The following NCAPD3 variants were observed in gnomAD, a reference collection of about 807,000 sequenced individuals.
NCAPD3 encodes the protein non-SMC condensin II complex subunit D3, also known as condensin-2 complex subunit D3.
A neutral mutation model predicts 182.9 loss-of-function variants in NCAPD3; 105 were observed. That is an observed-to-expected ratio of 0.57 (90% CI 0.49 to 0.68). The LOEUF (loss-of-function observed/expected upper bound fraction) is 0.68. Ranked by LOEUF, NCAPD3 falls within the 30% of genes least tolerant of loss-of-function variation. The pLI, the probability that NCAPD3 is intolerant of heterozygous loss-of-function variation, is 0.00. For missense variants in NCAPD3, 1,944 were observed against 1,837.0 expected, an observed-to-expected ratio of 1.06 and a Z score of -1.07; for synonymous variants, 815 against 679.9, an observed-to-expected ratio of 1.20 and a Z score of -3.09.
intron 16 of NCAPD3, among the ~76,000 whole-genome samples, chr11:134,187,276 A>G (rs1292613141): frequency 6.6e-6 from 1 of 152,194 alleles, no homozygotes; most frequent in Non-Finnish European, 1.5e-5. Context: ...ATCTCTTTTC[A>G]TCTCCTGTAA....
chr11:134,187,549 A>C (rs571634231), intron 16 of NCAPD3, among the ~76,000 whole-genome samples: 2 of 152,332 alleles, frequency 1.3e-5, no homozygotes, highest in South Asian at 4.1e-4. Context: ...CTGGCCTCTG[A>C]GCTTTTGCAT....
At chr11:134,176,544 G>GT (rs1471326375) in intron 23 of NCAPD3, among the ~76,000 whole-genome samples, 158 bp from the exon 24 acceptor site, 2 of 152,252 alleles carry the variant, frequency 1.3e-5, no homozygotes, top group African/African-American at 4.8e-5. Flanking sequence ...GCCGAGAAGT[G>GT]TATGTGCAGA....
intron 13 of NCAPD3, among the ~76,000 whole-genome samples, chr11:134,194,939 T>C (rs531669758): frequency 5.0e-4 from 76 of 152,358 alleles, no homozygotes; most frequent in African/African-American, 1.7e-3. Context: ...TTTGGAATAT[T>C]AAAAATTTGG....
intron 20 of NCAPD3, among the ~76,000 whole-genome samples, chr11:134,179,316 T>C (rs911765051): frequency 6.6e-6 from 1 of 152,238 alleles, no homozygotes; most frequent in African/African-American, 2.4e-5. Flanking sequence ...TCAAAGTATT[T>C]CTATAGTCAC....
intron 19 of NCAPD3, among the ~76,000 whole-genome samples, chr11:134,181,466 C>A (rs1221942176): frequency 1.3e-5 from 2 of 152,168 alleles, no homozygotes; most frequent in African/African-American, 4.8e-5. Flanking sequence ...TTTACAATGA[C>A]CCCATGTAGT....
intron 13 of NCAPD3, among the ~76,000 whole-genome samples, chr11:134,199,029 G>A (rs1411920482): frequency 6.6e-6 from 1 of 152,018 alleles, no homozygotes; most frequent in East Asian, 1.9e-4. Context: ...CTGATGTACA[G>A]ATCAATCCCT....
chr11:134,162,764 C>A (rs1943624074), intron 27 of NCAPD3, among the ~76,000 whole-genome samples: 1 of 152,210 alleles, frequency 6.6e-6, no homozygotes, highest in Non-Finnish European at 1.5e-5. Flanking sequence ...TTATCAAGCA[C>A]CTTCTCTGTC....
At chr11:134,200,066 C>T (rs1317852983) in intron 13 of NCAPD3, among the ~76,000 whole-genome samples, 1 of 151,858 alleles carries the variant, frequency 6.6e-6, no homozygotes, top group Non-Finnish European at 1.5e-5. Flanking sequence ...GAAGGTGGAC[C>T]CCCTATATCA....
rs764194855 is a variant in NCAPD3 at position 134,167,956 on chromosome 11, C to T, written c.3573+40G>A. 7 of 1,590,606 alleles carry T rather than the reference C, an allele frequency of 4.4e-6. No homozygotes were observed. The Admixed American group carries it at 8.4e-5, about 19-fold the overall frequency. On this transcript the variant is annotated intron_variant, in intron 27 of 34. Coordinates refer to ENST00000534548, the MANE Select transcript of NCAPD3 (RefSeq NM_015261.3). Reference sequence around the variant, plus strand: ...GATGAGCTTAGGGGAGCAGCACACTCACTTGTGAGAAGATGATCTTAGGGG... The same window carrying T: ...GATGAGCTTAGGGGAGCAGCACACTTACTTGTGAGAAGATGATCTTAGGGG...
intron 16 of NCAPD3, among the ~76,000 whole-genome samples, chr11:134,187,684 A>G (rs988246487): frequency 6.6e-6 from 1 of 152,228 alleles, no homozygotes; most frequent in African/African-American, 2.4e-5. Flanking sequence ...GAAAGAGGAC[A>G]AAGAGGAAGA....
intron 30 of NCAPD3, 68 bp downstream of exon 30, chr11:134,158,261 G>A: frequency 1.3e-6 from 2 of 1,586,438 alleles, no homozygotes; most frequent in Non-Finnish European, 1.7e-6. Context: ...GCTTGGGAAT[G>A]GCAGGGACGC....
At chr11:134,163,528 T>A (rs1383506675) in intron 27 of NCAPD3, among the ~76,000 whole-genome samples, 1 of 151,476 alleles carries the variant, frequency 6.6e-6, no homozygotes, top group East Asian at 1.9e-4. Context: ...TGAAACCCCA[T>A]CTCTACTAAA....
At chr11:134,189,976 C>T (rs192105214) in intron 16 of NCAPD3, among the ~76,000 whole-genome samples, 2 of 151,936 alleles carry the variant, frequency 1.3e-5, no homozygotes, top group Admixed American at 6.6e-5. Flanking sequence ...TTTTTATATC[C>T]AAAGATTTTG....
rs566915274 is a variant in NCAPD3 at position 134,212,049 on chromosome 11, A to G, written c.383-1595T>C. On this transcript the variant is annotated intron_variant, in intron 3 of 34. Coordinates refer to ENST00000534548, the MANE Select transcript of NCAPD3 (RefSeq NM_015261.3). ...GAGGCAATCACAACAAAGCATAGAT[A>G]ATCCCACCAAAAAGCAAAAAAAAGT... Among the ~76,000 whole-genome samples, 9 of 152,344 alleles carry G rather than the reference A, an allele frequency of 5.9e-5. No individual in the cohort carries two copies. In the East Asian group the frequency reaches 1.7e-3, roughly 29 times the overall value.
At chr11:134,177,699 T>G (rs1944204160) in intron 22 of NCAPD3, 2 of 496,544 alleles carry the variant, frequency 4.0e-6, no homozygotes, top group Admixed American at 3.6e-5. Flanking sequence ...TTTACACTAA[T>G]AAAATCATCT....
Position 134,177,324 on chromosome 11 carries a change from G to T in NCAPD3, c.2916C>A (p.Tyr972Ter), listed in dbSNP as rs933766710. The T allele has an allele frequency of 6.2e-7, 1 of 1,614,130 alleles. No individual in the cohort carries two copies. The highest frequency in any genetic ancestry group is 1.3e-5 in the African/African-American group (1 of 74,954). ...IIVMCDLCIR[Y>*]TIMVDKYIPN... ...GAATATACTTGTCCACCATGATGGTGTAGCGAATGCAGAGATCGCACATTA... is the reference window on the plus strand; with the variant it reads ...GAATATACTTGTCCACCATGATGGTTTAGCGAATGCAGAGATCGCACATTA... The change falls in exon 23 of 35, where the codon TAC becomes TAA. Residue 972 changes from tyrosine (Y) to a stop codon, truncating the protein, a stop_gained. Coordinates refer to ENST00000534548, the MANE Select transcript of NCAPD3 (RefSeq NM_015261.3). LOFTEE classifies it high-confidence loss of function.
rs759354180 is a variant in NCAPD3 at position 134,157,109 on chromosome 11, G to A, written c.4175-14C>T. On this transcript the variant is annotated splice_polypyrimidine_tract_variant and intron_variant, in intron 31 of 34. Transcript: ENST00000534548. ...TGTATGAAGACACTAGAACAGAAAA[G>A]GTGCTGCTATCCAGAAATACCCCCA... 118 of 1,602,346 alleles carry A rather than the reference G, an allele frequency of 7.4e-5. No individual in the cohort carries two copies. The highest frequency in any genetic ancestry group is 9.6e-5 in the Non-Finnish European group (113 of 1,172,176).
chr11:134,150,809 AAAAC>A lies in NCAPD3; in HGVS notation c.*2131_*2134del, dbSNP rs1184294160. The A allele has an allele frequency of 7.9e-5, 12 of 152,328 alleles. No homozygotes were observed. The highest frequency in any genetic ancestry group is 3.4e-3 in the Middle Eastern group (1 of 294). The allele number at this position is 152,328 out of a possible 1,614,324, so 9.4% of individuals were successfully genotyped here. A position where few individuals can be genotyped will look rare whatever the true frequency, so the allele number is the denominator to read the frequency against. On this transcript the variant is annotated 3_prime_UTR_variant, in exon 35 of 35. Coordinates refer to ENST00000534548, the MANE Select transcript of NCAPD3 (RefSeq NM_015261.3). Reference sequence around the variant, plus strand: ...GACGCCACAGGCTCTGTCGCATTTCAAAACAAACCATGATGGAGTGGCGGCCAGT... The same window carrying A: ...GACGCCACAGGCTCTGTCGCATTTCAAAACCATGATGGAGTGGCGGCCAGT...
chr11:134,185,833 T>A (rs982902157), intron 16 of NCAPD3: 19 of 195,554 alleles, frequency 9.7e-5, no homozygotes, highest in Admixed American at 1.2e-4. Flanking sequence ...AATTTCTACA[T>A]AACTGCATGG....
Sources: allele counts gnomAD v4.1 joint callset (sites outside exome capture counted in the v4.1 genomes callset), GRCh38; gene constraint gnomAD v4.1.1; transcripts MANE v1.5; gene names NCBI Gene and HGNC (gene_info 2026-07-23, HGNC 2026-07-21).